The following SLC44A5 variants were observed in gnomAD, a reference collection of about 807,000 sequenced individuals.
SLC44A5 encodes solute carrier family 44 member 5, also known as choline transporter-like protein 5.
In SLC44A5, 57 loss-of-function variants were observed where a neutral mutation model predicts 101.8. The observed-to-expected ratio is 0.56, with a 90% confidence interval of 0.45 to 0.70. SLC44A5 has a LOEUF of 0.70. Among genes scored for constraint, SLC44A5 ranks in the 30% least tolerant of loss-of-function variants. SLC44A5 has a pLI of 0.00. For synonymous variants in SLC44A5, 281 were observed against 290.9 expected, an observed-to-expected ratio of 0.97 and a Z score of 0.35; for missense variants, 737 against 853.1, an observed-to-expected ratio of 0.86 and a Z score of 1.70.
chr1:75,475,133 A>G (rs1667312030), intron 2 of SLC44A5, among the ~76,000 whole-genome samples: 1 of 152,236 alleles, frequency 6.6e-6, no homozygotes, highest in Admixed American at 6.5e-5. Flanking sequence ...ATAAGGAAAA[A>G]TAACATCAAT....
intron 12 of SLC44A5, among the ~76,000 whole-genome samples, chr1:75,231,426 TCAGA>T (rs1647561385): frequency 6.6e-6 from 1 of 152,216 alleles, no homozygotes; most frequent in Non-Finnish European, 1.5e-5. Context: ...AGAAGGCCCT[TCAGA>T]CAGTTTACTT....
intron 5 of SLC44A5, among the ~76,000 whole-genome samples, chr1:75,277,963 T>C (rs1335571186): frequency 9.2e-5 from 14 of 152,112 alleles, no homozygotes; most frequent in Non-Finnish European, 1.5e-5. Context: ...AGCCATCATT[T>C]TGTCCCTATT....
At chr1:75,716,895 G>T in the SLC44A5 span, among the ~76,000 whole-genome samples, 1 of 151,818 alleles carries the variant, frequency 6.6e-6, no homozygotes, top group Non-Finnish European at 1.5e-5. Context: ...TTAGCTGGGC[G>T]TCGTGGCATG....
At chr1:75,281,146 G>C (rs1219024528) in intron 5 of SLC44A5, among the ~76,000 whole-genome samples, 1 of 152,120 alleles carries the variant, frequency 6.6e-6, no homozygotes, top group Non-Finnish European at 1.5e-5. Flanking sequence ...GAACAACTTA[G>C]AGACTTGTTG....
intron 4 of SLC44A5, among the ~76,000 whole-genome samples, chr1:75,318,375 GAAA>G (rs1655866264): frequency 1.2e-3 from 2 of 1,654 alleles, no homozygotes; most frequent in Non-Finnish European, 3.7e-3. Flanking sequence ...TCTCTTGAAA[GAAA>G]GAAAGAAAGA....
intron 1 of SLC44A5, among the ~76,000 whole-genome samples, chr1:75,581,869 T>C (rs1673715767): frequency 6.6e-6 from 1 of 152,216 alleles, no homozygotes; most frequent in Non-Finnish European, 1.5e-5. Context: ...TCCTCTTTGC[T>C]TTCCACTGTG....
intron 6 of SLC44A5, among the ~76,000 whole-genome samples, chr1:75,269,330 T>C (rs920051603): frequency 2.0e-5 from 3 of 152,082 alleles, no homozygotes; most frequent in East Asian, 3.8e-4. Context: ...TTTGGTCAGA[T>C]ATATATGTTG....
At chr1:75,600,878 G>T (rs1674935482) in intron 1 of SLC44A5, among the ~76,000 whole-genome samples, 1 of 152,092 alleles carries the variant, frequency 6.6e-6, no homozygotes, top group African/African-American at 2.4e-5. Flanking sequence ...ATGTTTGCAT[G>T]ACAAAATTAC....
chr1:75,467,640 C>T (rs748112737), intron 2 of SLC44A5, among the ~76,000 whole-genome samples: 18 of 152,000 alleles, frequency 1.2e-4, no homozygotes, highest in Non-Finnish European at 1.8e-4. Flanking sequence ...TGCAGAAGAA[C>T]GAAAGTAGAT....
At chr1:75,587,024 G>GC (rs901423286) in intron 1 of SLC44A5, among the ~76,000 whole-genome samples, 4 of 152,048 alleles carry the variant, frequency 2.6e-5, no homozygotes, top group African/African-American at 9.7e-5. Context: ...GCAGGCTGGT[G>GC]CCCCCTAGAA....
intron 23 of SLC44A5, among the ~76,000 whole-genome samples, chr1:75,209,187 T>C (rs1216320957): frequency 6.6e-6 from 1 of 152,204 alleles, no homozygotes; most frequent in African/African-American, 2.4e-5. Flanking sequence ...TTAATAAAGA[T>C]GGTGGAAAAC....
At chr1:75,276,593 C>T (rs1651942844) in intron 5 of SLC44A5, among the ~76,000 whole-genome samples, 1 of 151,902 alleles carries the variant, frequency 6.6e-6, no homozygotes, top group South Asian at 2.1e-4. Flanking sequence ...ATACCTAATC[C>T]CACAAGAATG....
chr1:75,519,136 A>C (rs1669985416), intron 2 of SLC44A5, among the ~76,000 whole-genome samples: 1 of 152,168 alleles, frequency 6.6e-6, no homozygotes, highest in Admixed American at 6.5e-5. Context: ...CTCTCTAAAA[A>C]TTAACTTTTT....
intron 7 of SLC44A5, among the ~76,000 whole-genome samples, chr1:75,248,172 G>A (rs1649275351): frequency 6.6e-6 from 1 of 152,024 alleles, no homozygotes; most frequent in South Asian, 2.1e-4. Context: ...GGATAGAAAG[G>A]ATACTAGAGA....
rs142947824 is a variant in SLC44A5 at position 75,484,527 on chromosome 1, C to T, written c.13+56908G>A. Among the ~76,000 whole-genome samples the T allele has an allele frequency of 9.2e-3, 1,400 of 152,364 alleles. 22 individuals carry two copies. The highest frequency in any genetic ancestry group is 0.032 in the African/African-American group (1,335 of 41,584). ...CTGCAGTGTACAGTCCCTGTGGCTG[C>T]TTTCACTAGCTGGCATTGAGTGCCT... On this transcript the variant is annotated intron_variant, in intron 2 of 23. Coordinates refer to ENST00000370859, the MANE Select transcript of SLC44A5 (RefSeq NM_001130058.2).
intron 6 of SLC44A5, among the ~76,000 whole-genome samples, chr1:75,268,655 CAT>C (rs1233395366): frequency 2.6e-5 from 4 of 152,126 alleles, no homozygotes; most frequent in African/African-American, 2.4e-5. Flanking sequence ...TTTTTTCTTG[CAT>C]ATGTTTTCAT....
At chr1:75,519,727 T>A (rs1197961687) in intron 2 of SLC44A5, among the ~76,000 whole-genome samples, 2 of 152,232 alleles carry the variant, frequency 1.3e-5, no homozygotes, top group Non-Finnish European at 2.9e-5. Flanking sequence ...ATCTCTATCA[T>A]CTCCTAAAGA....
At chr1:75,642,505 G>T in the SLC44A5 span, among the ~76,000 whole-genome samples, 74,645 of 151,908 alleles carry the variant, frequency 0.49, 19,587 homozygotes, top group East Asian at 0.93. Flanking sequence ...GAAAAAAAAT[G>T]TAATTTAATT....
intron 2 of SLC44A5, among the ~76,000 whole-genome samples, chr1:75,481,971 G>A (rs539533976): frequency 4.6e-5 from 7 of 152,154 alleles, no homozygotes; most frequent in East Asian, 1.9e-4. Flanking sequence ...ACATGCACAC[G>A]TATGTTTATT....
Sources: allele counts gnomAD v4.1 joint callset (sites outside exome capture counted in the v4.1 genomes callset), GRCh38; gene constraint gnomAD v4.1.1; transcripts MANE v1.5; gene names NCBI Gene and HGNC (gene_info 2026-07-23, HGNC 2026-07-21).